PDE10A: variants seen among roughly 807,000 people sequenced by gnomAD.
PDE10A encodes the protein phosphodiesterase 10A, also known as cAMP and cAMP-inhibited cGMP 3',5'-cyclic phosphodiesterase 10A.
PDE10A carries 39 observed loss-of-function variants against 97.7 expected under a neutral mutation model. The ratio of observed to expected loss-of-function variants is 0.40; its 90% CI spans 0.31 to 0.52. PDE10A has a LOEUF of 0.52. PDE10A is among the 20% of genes least tolerant of loss of function. The pLI, the probability that PDE10A is intolerant of heterozygous loss-of-function variation, is 0.56. For synonymous variants in PDE10A, 371 were observed against 376.8 expected, an observed-to-expected ratio of 0.98 and a Z score of 0.18; for missense variants, 731 against 1,047.8, an observed-to-expected ratio of 0.70 and a Z score of 4.17.
rs564479049 is a variant in PDE10A at position 165,439,701 on chromosome 6, G to A, written c.1195-4324C>T. ...AAATTTTTATATCTATTTCTAAAGT[G>A]AGATAATTTAAACTAGAAAAGATTG... is the stretch of plus-strand genomic sequence containing the variant. On this transcript the variant is annotated intron_variant, in intron 5 of 21. Transcript: ENST00000539869. Among the ~76,000 whole-genome samples the A allele has an allele frequency of 2.6e-5, 4 of 152,296 alleles. No individual in the cohort carries two copies. In the South Asian group the frequency reaches 8.3e-4, roughly 32 times the overall value.
At chr6:165,891,049 G>A (rs939043538) in intron 1 of PDE10A, among the ~76,000 whole-genome samples, 1 of 152,164 alleles carries the variant, frequency 6.6e-6, no homozygotes, top group African/African-American at 2.4e-5. Flanking sequence ...CATTTTGTGA[G>A]ATTGGTGGTT....
chr6:165,899,179 A>T (rs573440983), intron 1 of PDE10A, among the ~76,000 whole-genome samples: 42 of 152,156 alleles, frequency 2.8e-4, no homozygotes, highest in Non-Finnish European at 3.4e-4. Context: ...AATTTGGGGG[A>T]TGATCCTCAT....
At chr6:165,335,855 T>C (rs1365677299) in intron 21 of PDE10A, among the ~76,000 whole-genome samples, 1 of 151,390 alleles carries the variant, frequency 6.6e-6, no homozygotes. Flanking sequence ...CCCAGCCTGT[T>C]CCCACTGTCC....
chr6:165,525,849 A>G (rs919659301), intron 2 of PDE10A, among the ~76,000 whole-genome samples: 7 of 151,304 alleles, frequency 4.6e-5, no homozygotes, highest in Non-Finnish European at 1.0e-4. Context: ...CTAACTAATC[A>G]TGGTGTTCCT....
rs1442387822 is a variant in PDE10A at position 165,691,111 on chromosome 6, C to CA, written c.-614-147544_-614-147543insT. Among the ~76,000 whole-genome samples the CA allele has an allele frequency of 7.4e-5, 8 of 107,650 alleles. 1 individual carries two copies. Among genetic ancestry groups the CA allele is most frequent in the Non-Finnish European group, 1.6e-4 (8 of 49,748 alleles). 70.6% of individuals were successfully genotyped at this position (107,650 alleles called of 152,430 possible). ...TCTCTCTCTCTCTTTCTCTCTCCCCCCCCCCATCAGTGCCTGTGGTCACAT... is the reference window on the plus strand; with the variant it reads ...TCTCTCTCTCTCTTTCTCTCTCCCCCACCCCCATCAGTGCCTGTGGTCACAT... On this transcript the variant is annotated intron_variant, in intron 1 of 19. Transcript: ENST00000366882.
At chr6:165,794,713 A>G (rs994626987) in intron 1 of PDE10A, among the ~76,000 whole-genome samples, 2 of 152,206 alleles carry the variant, frequency 1.3e-5, no homozygotes, top group Non-Finnish European at 2.9e-5. Context: ...CCCACACAAA[A>G]AAACCACTAG....
chr6:165,381,631 A>ATTTTTTTTTTT (rs547827126), intron 17 of PDE10A, among the ~76,000 whole-genome samples: 14 of 118,686 alleles, frequency 1.2e-4, no homozygotes, highest in Admixed American at 1.9e-4. Flanking sequence ...CACCTGGCTA[A>ATTTTTTTTTTT]TTTTTTTTTT....
intron 1 of PDE10A, among the ~76,000 whole-genome samples, chr6:165,722,217 G>A (rs1007610064): frequency 2.0e-5 from 3 of 152,128 alleles, no homozygotes; most frequent in Non-Finnish European, 2.9e-5. Context: ...AACCAAATAC[G>A]GTGCAGTTTC....
intron 1 of PDE10A, among the ~76,000 whole-genome samples, chr6:165,677,441 A>G (rs1361042002): frequency 1.3e-5 from 2 of 152,236 alleles, no homozygotes; most frequent in African/African-American, 2.4e-5. Context: ...CATGGACTCC[A>G]CATCCCTGGA....
intron 18 of PDE10A, among the ~76,000 whole-genome samples, chr6:165,377,445 T>C (rs960971932): frequency 3.9e-5 from 6 of 152,176 alleles, no homozygotes; most frequent in Non-Finnish European, 7.4e-5. Flanking sequence ...CAATGCATAT[T>C]TGTTTTAATT....
chr6:165,430,265 A>G (rs1422973387), intron 9 of PDE10A, 22 bp downstream of exon 9: 2 of 1,568,270 alleles, frequency 1.3e-6, no homozygotes, highest in East Asian at 4.5e-5. Context: ...AAGAGCTACT[A>G]TCCCTAGAAA....
chr6:165,466,030 G>A (rs1000467984), intron 3 of PDE10A, among the ~76,000 whole-genome samples: 1 of 152,182 alleles, frequency 6.6e-6, no homozygotes, highest in Non-Finnish European at 1.5e-5. Flanking sequence ...GACTGTCCCT[G>A]GACAATGAAT....
At chr6:165,556,456 G>C (rs1223452942) in intron 1 of PDE10A, among the ~76,000 whole-genome samples, 1 of 152,204 alleles carries the variant, frequency 6.6e-6, no homozygotes, top group East Asian at 1.9e-4. Context: ...TTGTGACATA[G>C]TTCAAATGGT....
chr6:165,403,338 T>A (rs1266776278), intron 13 of PDE10A, among the ~76,000 whole-genome samples: 1 of 152,222 alleles, frequency 6.6e-6, no homozygotes, highest in Non-Finnish European at 1.5e-5. Context: ...TTATGCACAT[T>A]TCTTCCCAAC....
At chr6:165,955,382 T>C (rs867405136) in intron 1 of PDE10A, among the ~76,000 whole-genome samples, 68 of 152,188 alleles carry the variant, frequency 4.5e-4, no homozygotes, top group Admixed American at 3.9e-4. Context: ...TCAGTGTTTC[T>C]CCAACAATTT....
At chr6:165,975,606 GAGAGGCAGACAATA>G (rs1329680243) in intron 1 of PDE10A, among the ~76,000 whole-genome samples, 1 of 152,210 alleles carries the variant, frequency 6.6e-6, no homozygotes, top group African/African-American at 2.4e-5. Flanking sequence ...TTTTCATGGG[GAGAGGCAGACAATA>G]AAAGTAAGCA....
chr6:165,770,281 C>A (rs1457815018), intron 1 of PDE10A, among the ~76,000 whole-genome samples: 1 of 151,096 alleles, frequency 6.6e-6, no homozygotes, highest in Non-Finnish European at 1.5e-5. Flanking sequence ...CAGTACTCTG[C>A]AACTTAGGAA....
At chr6:165,441,537 C>T (rs1161363471) in intron 5 of PDE10A, among the ~76,000 whole-genome samples, 1 of 152,192 alleles carries the variant, frequency 6.6e-6, no homozygotes, top group East Asian at 1.9e-4. Flanking sequence ...TTATTAATTA[C>T]ACAATTACTA....
upstream of PDE10A, among the ~76,000 whole-genome samples, chr6:165,665,368 G>A (rs933052034): frequency 6.6e-6 from 1 of 152,196 alleles, no homozygotes; most frequent in African/African-American, 2.4e-5. Flanking sequence ...GCTGCTTGCG[G>A]ATTCCTTTCC....
Sources: allele counts gnomAD v4.1 joint callset (sites outside exome capture counted in the v4.1 genomes callset), GRCh38; gene constraint gnomAD v4.1.1; transcripts MANE v1.5; gene names NCBI Gene and HGNC (gene_info 2026-07-23, HGNC 2026-07-21).